PTPN21: variants seen among roughly 807,000 people sequenced by gnomAD.
The protein encoded by PTPN21 is protein tyrosine phosphatase non-receptor type 21.
Under a neutral mutation model 131.8 loss-of-function variants are expected in PTPN21, and 77 were observed. That is an observed-to-expected ratio of 0.58 (90% confidence interval 0.49 to 0.71). The LOEUF (loss-of-function observed/expected upper bound fraction) is 0.71, where lower values mean the gene tolerates loss of function less well. PTPN21 is among the 30% of genes least tolerant of loss of function. The pLI is 0.00. For synonymous variants in PTPN21, 715 were observed against 621.3 expected (o/e 1.15, Z -2.24); for missense variants, 1,552 against 1,527.1 (o/e 1.02, Z -0.27).
At chr14:88,524,002 C>A (rs1358725382) in intron 2 of PTPN21, among the ~76,000 whole-genome samples, 1 of 152,102 alleles carries the variant, frequency 6.6e-6, no homozygotes, top group Non-Finnish European at 1.5e-5. Flanking sequence ...AGAAAGATAT[C>A]CCATGTTCAT....
intron 2 of PTPN21, among the ~76,000 whole-genome samples, chr14:88,546,905 A>G (rs966311724): frequency 2.0e-5 from 3 of 152,232 alleles, no homozygotes; most frequent in Non-Finnish European, 4.4e-5. Flanking sequence ...GGGGCTTTCA[A>G]AGAAAAAGTT....
At chr14:88,532,169 T>C (rs1408458038) in intron 2 of PTPN21, among the ~76,000 whole-genome samples, 1 of 150,988 alleles carries the variant, frequency 6.6e-6, no homozygotes, top group Non-Finnish European at 1.5e-5. Flanking sequence ...CACAGCTGAA[T>C]TCTATCACAC....
At chr14:88,518,386 GTATA>G (rs71126987) in intron 2 of PTPN21, among the ~76,000 whole-genome samples, 218 of 9,682 alleles carry the variant, frequency 0.023, 8 homozygotes, top group African/African-American at 0.03. Context: ...GTGTGTGTGT[GTATA>G]TATATATATA....
chr14:88,468,424 A>AT (rs1301349602), intron 18 of PTPN21, among the ~76,000 whole-genome samples, 159 bp from the exon 19 acceptor site: 1 of 152,068 alleles, frequency 6.6e-6, no homozygotes, highest in Admixed American at 6.6e-5. Context: ...CCTACTTCTG[A>AT]TTTTCTGATT....
At chr14:88,525,256 T>C (rs1000432935) in intron 2 of PTPN21, among the ~76,000 whole-genome samples, 5 of 149,410 alleles carry the variant, frequency 3.3e-5, no homozygotes, top group African/African-American at 1.2e-4. Flanking sequence ...ATAATAATAA[T>C]AAATGAAGAA....
At chr14:88,516,205 G>A (rs554993500) in intron 3 of PTPN21, among the ~76,000 whole-genome samples, 1 of 152,194 alleles carries the variant, frequency 6.6e-6, no homozygotes, top group South Asian at 2.1e-4. Context: ...AATTCTAGGT[G>A]GTAAGCCAAA....
In PTPN21 at chr14:88,480,103, G is replaced by T. The variant is rs2077627197; in HGVS notation, c.1328C>A (p.Pro443Gln). 1 of 1,614,064 alleles carries T rather than the reference G, an allele frequency of 6.2e-7. No homozygotes were observed. Among genetic ancestry groups the T allele is most frequent in the Admixed American group, 1.7e-5 (1 of 60,004 alleles). The stretch of plus-strand genomic sequence containing the variant: ...ATAGTCTGGGGTGGGGCGGTAGGAC[G>T]GGGGTATCACGGCGCTGTGCCGATG... ...PSHRHSAVIPPSYRPTPDYET... is the reference protein window; with the variant it reads ...PSHRHSAVIPQSYRPTPDYET... The change falls in exon 13 of 19, where the codon CCG becomes CAG. Residue 443 changes from proline (P) to glutamine (Q), a missense_variant. Around this residue, in one of 4 missense-constraint regions of PTPN21, gnomAD observed 1,016 missense variants for 883.5 expected, o/e 1.15. Coordinates refer to ENST00000556564, the MANE Select transcript of PTPN21 (RefSeq NM_007039.4).
intron 15 of PTPN21, among the ~76,000 whole-genome samples, chr14:88,470,652 C>T (rs998847553): frequency 3.3e-5 from 5 of 152,254 alleles, no homozygotes; most frequent in African/African-American, 1.2e-4. Flanking sequence ...CAAACACTCA[C>T]TAAACGTAAA....
At chr14:88,514,771 T>C (rs1168843372) in intron 3 of PTPN21, among the ~76,000 whole-genome samples, 1 of 150,546 alleles carries the variant, frequency 6.6e-6, no homozygotes, top group Non-Finnish European at 1.5e-5. Context: ...GCCCTCCCCC[T>C]TTGTTTTCTT....
intron 13 of PTPN21, among the ~76,000 whole-genome samples, chr14:88,474,131 CAAAAAAAAAAAA>C (rs754719071): frequency 4.3e-5 from 2 of 46,684 alleles, no homozygotes; most frequent in Admixed American, 2.6e-4. Flanking sequence ...AGCTGAAGTC[CAAAAAAAAAAAA>C]AAAAAAAAAA....
At chr14:88,518,319 C>T (rs1356143444) in intron 2 of PTPN21, among the ~76,000 whole-genome samples, 8 of 76,964 alleles carry the variant, frequency 1.0e-4, no homozygotes, top group East Asian at 4.3e-4. Context: ...TGTATATATA[C>T]GTATATATAC....
Position 88,522,800 on chromosome 14 carries a change from T to C in PTPN21, c.181-5539A>G, listed in dbSNP as rs534833020. The stretch of plus-strand genomic sequence containing the variant: ...GGATTGAATGCTCTCTTAGAATTTC[T>C]ACACATACATAATCAAGTCACAACA... On this transcript the variant is annotated intron_variant, in intron 2 of 18. Transcript: ENST00000556564. 2.0e-5 allele frequency among the ~76,000 whole-genome samples: 3 copies of C among 152,316 alleles called. No homozygotes were observed. In the South Asian group the frequency reaches 6.2e-4, roughly 32 times the overall value.
At chr14:88,527,988 T>C (rs2139334474) in intron 2 of PTPN21, among the ~76,000 whole-genome samples, 2 of 152,320 alleles carry the variant, frequency 1.3e-5, no homozygotes, top group South Asian at 4.1e-4. Flanking sequence ...ATTTCTGGGT[T>C]CTCTATTCTG....
chr14:88,528,522 T>C (rs749346481), intron 2 of PTPN21, among the ~76,000 whole-genome samples: 2 of 152,264 alleles, frequency 1.3e-5, no homozygotes, highest in Non-Finnish European at 1.5e-5. Context: ...TTTACTGATA[T>C]GGTTTGGCTG....
In PTPN21 at chr14:88,479,668, C is replaced by CCACCTT. The variant is rs2077611057; in HGVS notation, c.1762_1763insAAGGTG (p.Ser588delinsLysGlyGly). The stretch of plus-strand genomic sequence containing the variant: ...CGTGATGAGGTCGGGGTTGCTGCTG[C>CCACCTT]TGATGTAAAGGTGGCGGGACAGGTC... On this transcript the variant is annotated protein_altering_variant, in exon 13 of 19. Transcript: ENST00000556564. The CCACCTT allele has an allele frequency of 7.7e-7, 1 of 1,298,352 alleles. No homozygotes were observed. Among genetic ancestry groups the CCACCTT allele is most frequent in the Admixed American group, 2.5e-5 (1 of 39,704 alleles). 80.4% of individuals were successfully genotyped at this position (1,298,352 alleles called of 1,614,324 possible). A position where few individuals can be genotyped will look rare whatever the true frequency, so the allele number is the denominator to read the frequency against.
chr14:88,508,696 G>C (rs954762174), intron 3 of PTPN21, among the ~76,000 whole-genome samples: 1 of 152,134 alleles, frequency 6.6e-6, no homozygotes, highest in South Asian at 2.1e-4. Flanking sequence ...AGTAATATAA[G>C]AGTTTGCTTA....
intron 13 of PTPN21, 52 bp from the exon 14 acceptor site, chr14:88,473,854 T>C: frequency 1.3e-6 from 2 of 1,509,478 alleles, no homozygotes; most frequent in Non-Finnish European, 1.8e-6. Context: ...ACAACCCCTG[T>C]GAAAAGAAGT....
chr14:88,532,614 AT>A (rs913453177), intron 2 of PTPN21, among the ~76,000 whole-genome samples: 3 of 151,996 alleles, frequency 2.0e-5, no homozygotes, highest in African/African-American at 7.2e-5. Flanking sequence ...TCTTTTATGG[AT>A]TTTTTTTCTT....
At position 88,472,593 on chromosome 14, in the gene PTPN21, G is replaced by A. The variant is rs1595341000; in HGVS notation, c.2650-128C>T. 4 of 657,200 alleles carry A rather than the reference G, an allele frequency of 6.1e-6. No individual in the cohort carries two copies. The East Asian group carries it at 1.1e-4, about 18-fold the overall frequency. The allele number at this position is 657,200 out of a possible 1,614,324, so 40.7% of individuals were successfully genotyped here. A position where few individuals can be genotyped will look rare whatever the true frequency, so the allele number is the denominator to read the frequency against. ...GTATAATATTGAAAATTCTAGGTTG[G>A]GCACGGTGTCTCATGCCTGTAATCC... On this transcript the variant is annotated intron_variant, in intron 14 of 18. Transcript: ENST00000556564.
Sources: allele counts gnomAD v4.1 joint callset (sites outside exome capture counted in the v4.1 genomes callset), GRCh38; gene constraint gnomAD v4.1.1; regional missense constraint gnomAD v4.1.1; transcripts MANE v1.5; gene names NCBI Gene and HGNC (gene_info 2026-07-23, HGNC 2026-07-21).